The following TIMD4 variants were observed in gnomAD, a reference collection of about 807,000 sequenced individuals.
TIMD4 encodes T cell immunoglobulin and mucin domain containing 4, also known as T-cell immunoglobulin and mucin domain-containing protein 4.
A neutral mutation model predicts 41.2 loss-of-function variants in TIMD4; 31 were observed. That is an observed-to-expected ratio of 0.75 (90% CI 0.57 to 1.01). The LOEUF is 1.01. Ranked by LOEUF, TIMD4 falls within the 50% of genes least tolerant of loss-of-function variation. TIMD4 has a pLI of 0.00. For missense variants in TIMD4, 479 were observed against 472.5 expected (o/e 1.01, Z -0.13); for synonymous variants, 204 against 177.1 (o/e 1.15, Z -1.21).
intron 1 of TIMD4, among the ~76,000 whole-genome samples, chr5:156,958,716 A>C (rs542851952): frequency 2.1e-4 from 32 of 152,242 alleles, no homozygotes; most frequent in Non-Finnish European, 3.5e-4. Flanking sequence ...TCCACCCTAG[A>C]AAAACACAAG....
At chr5:156,934,621 AT>A (rs1250680444) in intron 5 of TIMD4, among the ~76,000 whole-genome samples, 1 of 152,094 alleles carries the variant, frequency 6.6e-6, no homozygotes, top group African/African-American at 2.4e-5. Context: ...TCATAAACCC[AT>A]TTTACAGATG....
intron 5 of TIMD4, among the ~76,000 whole-genome samples, chr5:156,946,256 T>C (rs6896045): frequency 2.5e-3 from 384 of 152,284 alleles, no homozygotes; most frequent in African/African-American, 8.8e-3. Context: ...CCCCCACCCT[T>C]ACCCCATCCC....
intron 1 of TIMD4, among the ~76,000 whole-genome samples, chr5:156,959,884 A>C (rs992624216): frequency 6.6e-6 from 1 of 152,084 alleles, no homozygotes; most frequent in Non-Finnish European, 1.5e-5. Context: ...CTACTAAAAA[A>C]TACAAAAAAT....
chr5:156,926,412 G>T, intron 5 of TIMD4, 100 bp from the exon 6 acceptor site: 1 of 1,168,990 alleles, frequency 8.6e-7, no homozygotes, highest in Non-Finnish European at 1.3e-6. Flanking sequence ...AACTGCAGCT[G>T]ATGTGTTTAA....
intron 5 of TIMD4, among the ~76,000 whole-genome samples, chr5:156,947,907 C>T (rs979456976): frequency 1.2e-4 from 19 of 152,142 alleles, no homozygotes; most frequent in African/African-American, 4.3e-4. Flanking sequence ...ATTAGTGTGA[C>T]ATTTGTGTAA....
At chr5:156,960,057 A>C (rs1760050673) in intron 1 of TIMD4, among the ~76,000 whole-genome samples, 2 of 149,214 alleles carry the variant, frequency 1.3e-5, no homozygotes, top group African/African-American at 5.0e-5. Context: ...AAACCCAAAA[A>C]TATTTTGAAA....
intron 1 of TIMD4, among the ~76,000 whole-genome samples, chr5:156,960,364 C>CAGGG (rs1012277761): frequency 1.3e-5 from 2 of 150,488 alleles, no homozygotes; most frequent in Non-Finnish European, 3.0e-5. Flanking sequence ...GTGAAAGTGA[C>CAGGG]AGGGACTGCT....
At chr5:156,938,847 C>T (rs1001587594) in intron 5 of TIMD4, among the ~76,000 whole-genome samples, 1 of 152,212 alleles carries the variant, frequency 6.6e-6, no homozygotes, top group African/African-American at 2.4e-5. Context: ...TCTCTAAATG[C>T]CTCATTCCAG....
At chr5:156,939,790 T>A (rs1759606147) in intron 5 of TIMD4, among the ~76,000 whole-genome samples, 1 of 152,244 alleles carries the variant, frequency 6.6e-6, no homozygotes. Context: ...CTCTCTATTG[T>A]TGTTGCTGCT....
In TIMD4 at chr5:156,963,208, T is replaced by C. The variant is rs1477221855; in HGVS notation, c.-10A>G. ...GAGGTTCTTTGGACATTTTGACGGT[T>C]GACCGGACCCAGGAGTCTGTCTATC... On this transcript the variant is annotated 5_prime_UTR_variant, in exon 1 of 9. Transcript: ENST00000274532. The C allele has an allele frequency of 1.2e-6, 2 of 1,614,152 alleles. No homozygotes were observed. The highest frequency in any genetic ancestry group is 1.7e-6 in the Non-Finnish European group (2 of 1,179,968).
At chr5:156,931,837 C>A (rs1469622171) in intron 5 of TIMD4, among the ~76,000 whole-genome samples, 6 of 151,932 alleles carry the variant, frequency 3.9e-5, no homozygotes, top group African/African-American at 4.8e-5. Flanking sequence ...GGCTATGCGA[C>A]CTTGGCTAAG....
chr5:156,931,427 G>C (rs994567785), intron 5 of TIMD4, among the ~76,000 whole-genome samples: 3 of 152,148 alleles, frequency 2.0e-5, no homozygotes, highest in African/African-American at 7.2e-5. Context: ...TGCATGCTTT[G>C]TACTTTTTCC....
intron 6 of TIMD4, among the ~76,000 whole-genome samples, chr5:156,925,836 G>A (rs1581608977): frequency 6.6e-6 from 1 of 152,132 alleles, no homozygotes; most frequent in African/African-American, 2.4e-5. Context: ...TGAATTTTGC[G>A]ACAGCAATAT....
chr5:156,929,538 G>GAC (rs1163787792), intron 5 of TIMD4, among the ~76,000 whole-genome samples: 2 of 152,194 alleles, frequency 1.3e-5, no homozygotes, highest in East Asian at 3.9e-4. Context: ...GTCACAGAGA[G>GAC]ACACACACAG....
chr5:156,962,174 GGA>G (rs1753076499), intron 1 of TIMD4, among the ~76,000 whole-genome samples: 1 of 151,996 alleles, frequency 6.6e-6, no homozygotes, highest in South Asian at 2.1e-4. Context: ...TTAAATAGAA[GGA>G]ATAAGTCCTA....
intron 3 of TIMD4, among the ~76,000 whole-genome samples, chr5:156,950,744 A>G (rs1210913703): frequency 6.6e-6 from 1 of 152,212 alleles, no homozygotes; most frequent in Non-Finnish European, 1.5e-5. Context: ...GTTCACCATC[A>G]GGGGATATTT....
At chr5:156,942,019 T>C (rs191571200) in intron 5 of TIMD4, among the ~76,000 whole-genome samples, 12 of 152,316 alleles carry the variant, frequency 7.9e-5, no homozygotes, top group Non-Finnish European at 1.5e-4. Context: ...CACTCCCCCA[T>C]ATTCTTGTCC....
At chr5:156,942,838 C>T (rs186879429) in intron 5 of TIMD4, among the ~76,000 whole-genome samples, 2 of 152,252 alleles carry the variant, frequency 1.3e-5, no homozygotes, top group Admixed American at 1.3e-4. Context: ...GATTGAGCAA[C>T]ATGAGAACAA....
chr5:156,961,531 G>A (rs1024696021), intron 1 of TIMD4, among the ~76,000 whole-genome samples: 10 of 152,112 alleles, frequency 6.6e-5, no homozygotes, highest in East Asian at 1.9e-4. Context: ...GGCCAGGTGC[G>A]GTGACTCACG....
Sources: gnomAD v4.1 joint callset for allele counts (sites outside exome capture counted in the v4.1 genomes callset) on GRCh38, gnomAD v4.1.1 for gene constraint, MANE v1.5 for transcripts, NCBI Gene and HGNC (gene_info 2026-07-23, HGNC 2026-07-21) for gene names.